The following GLG1 variants were observed in gnomAD, a reference collection of about 807,000 sequenced individuals.
GLG1 encodes the protein golgi glycoprotein 1.
A neutral mutation model predicts 160.5 loss-of-function variants in GLG1; 38 were observed. That is an observed-to-expected ratio of 0.24 (90% CI 0.18 to 0.31). The LOEUF (loss-of-function observed/expected upper bound fraction) is 0.31, where lower values mean the gene tolerates loss of function less well. GLG1 is among the 10% of genes least tolerant of loss of function. The pLI, the probability that GLG1 is intolerant of heterozygous loss-of-function variation, is 1.00. For synonymous variants in GLG1, 644 were observed against 543.4 expected, an observed-to-expected ratio of 1.19 and a Z score of -2.57; for missense variants, 1,373 against 1,505.2, an observed-to-expected ratio of 0.91 and a Z score of 1.45.
chr16:74,479,091 G>A (rs1379194502), intron 11 of GLG1, among the ~76,000 whole-genome samples: 2 of 91,406 alleles, frequency 2.2e-5, no homozygotes, highest in African/African-American at 9.9e-5. Flanking sequence ...CAGGCATGAC[G>A]GCAGGCACCC....
At chr16:74,455,550 A>G (rs966815033) in intron 25 of GLG1, among the ~76,000 whole-genome samples, 3 of 152,226 alleles carry the variant, frequency 2.0e-5, no homozygotes, top group Non-Finnish European at 4.4e-5. Flanking sequence ...AGTGTTGACT[A>G]CTGTGACAGA....
At chr16:74,574,794 G>T (rs974229774) in intron 1 of GLG1, among the ~76,000 whole-genome samples, 1 of 137,838 alleles carries the variant, frequency 7.3e-6, no homozygotes, top group Non-Finnish European at 1.5e-5. Context: ...TGAGACACAA[G>T]AATCTCTTGA....
chr16:74,473,953 AT>A (rs942455095), intron 13 of GLG1, among the ~76,000 whole-genome samples: 3 of 150,548 alleles, frequency 2.0e-5, no homozygotes, highest in African/African-American at 7.3e-5. Flanking sequence ...TACTGCTGCT[AT>A]TTTTTTTTTT....
At chr16:74,503,035 C>T (rs926888236) in intron 4 of GLG1, among the ~76,000 whole-genome samples, 2 of 151,618 alleles carry the variant, frequency 1.3e-5, no homozygotes, top group Non-Finnish European at 2.9e-5. Context: ...GGCGAAACCC[C>T]AGCTCTATTA....
At chr16:74,528,186 A>C (rs1356823777) in intron 2 of GLG1, among the ~76,000 whole-genome samples, 2 of 151,990 alleles carry the variant, frequency 1.3e-5, no homozygotes, top group East Asian at 3.9e-4. Flanking sequence ...TTTTTAATAG[A>C]GACAGGATTT....
At chr16:74,562,363 C>A (rs1261796523) in intron 1 of GLG1, among the ~76,000 whole-genome samples, 2 of 152,224 alleles carry the variant, frequency 1.3e-5, no homozygotes, top group Admixed American at 6.5e-5. Context: ...AATAATAGAA[C>A]CTCATGTATC....
intron 15 of GLG1, 117 bp from the exon 16 acceptor site, chr16:74,470,190 G>C (rs924249939): frequency 7.0e-6 from 5 of 714,112 alleles, no homozygotes; most frequent in African/African-American, 7.0e-5. Flanking sequence ...TGCATGGCTT[G>C]ACCCACACGT....
In GLG1 at chr16:74,527,221, T is replaced by C. The variant is rs562325494; in HGVS notation, c.471+4900A>G. Among the ~76,000 whole-genome samples the C allele has an allele frequency of 7.2e-5, 11 of 151,750 alleles. No individual in the cohort carries two copies. The South Asian group carries it at 2.3e-3, about 32-fold the overall frequency. ...CATGTTATAATCTGAAAGTATACTGTTATTGTTTTGGCTTAAGTCAGTTCT... is the reference window on the plus strand; with the variant it reads ...CATGTTATAATCTGAAAGTATACTGCTATTGTTTTGGCTTAAGTCAGTTCT... On this transcript the variant is annotated intron_variant, in intron 2 of 25. Coordinates refer to ENST00000422840, the MANE Select transcript of GLG1 (RefSeq NM_001145667.2).
intron 11 of GLG1, among the ~76,000 whole-genome samples, chr16:74,478,225 A>G (rs981945334): frequency 3.3e-5 from 5 of 152,186 alleles, no homozygotes; most frequent in African/African-American, 1.2e-4. Flanking sequence ...CACCAGGTAG[A>G]AGGTCAGATC....
intron 1 of GLG1, among the ~76,000 whole-genome samples, chr16:74,543,063 G>C (rs1001222227): frequency 3.9e-5 from 6 of 151,906 alleles, no homozygotes; most frequent in African/African-American, 1.5e-4. Context: ...CTGACCCGTG[G>C]TGAGTGCATT....
intron 1 of GLG1, among the ~76,000 whole-genome samples, chr16:74,547,112 T>C (rs569707420): frequency 6.6e-6 from 1 of 152,178 alleles, no homozygotes; most frequent in East Asian, 1.9e-4. Context: ...TTTGGGGCCA[T>C]AACAAATTCC....
chr16:74,468,842 A>G, intron 17 of GLG1, 104 bp downstream of exon 17: 1 of 724,160 alleles, frequency 1.4e-6, no homozygotes, highest in Non-Finnish European at 2.5e-6. Flanking sequence ...AGTCTTAACC[A>G]TCACAGTAGT....
chr16:74,561,441 CACTACTGAATA>C (rs2018511709), intron 1 of GLG1, among the ~76,000 whole-genome samples: 1 of 152,154 alleles, frequency 6.6e-6, no homozygotes, highest in Non-Finnish European at 1.5e-5. Context: ...CCCTAATAAG[CACTACTGAATA>C]CAAGTTTCTG....
intron 1 of GLG1, among the ~76,000 whole-genome samples, chr16:74,542,582 G>A (rs1162738362): frequency 6.7e-6 from 1 of 150,050 alleles, no homozygotes; most frequent in African/African-American, 2.5e-5. Context: ...TGAGGCAGGA[G>A]AATCGCTTGA....
Position 74,452,864 on chromosome 16 carries a change from G to C in GLG1, c.*303C>G, listed in dbSNP as rs577224986. ...CTTTGAGTTGCAGGTCAGGTGAGTTGGTTCTGGAAGTACCGGAAGTTCTGT... is the reference window on the plus strand; with the variant it reads ...CTTTGAGTTGCAGGTCAGGTGAGTTCGTTCTGGAAGTACCGGAAGTTCTGT... On this transcript the variant is annotated 3_prime_UTR_variant, in exon 26 of 26. Coordinates refer to ENST00000422840, the MANE Select transcript of GLG1 (RefSeq NM_001145667.2). The C allele has an allele frequency of 9.2e-7, 1 of 1,088,920 alleles. No homozygotes were observed. Among genetic ancestry groups the C allele is most frequent in the Non-Finnish European group, 1.1e-6 (1 of 897,638 alleles). 67.5% of individuals were successfully genotyped at this position (1,088,920 alleles called of 1,614,324 possible).
chr16:74,543,144 T>C (rs549403777), intron 1 of GLG1, among the ~76,000 whole-genome samples: 33 of 152,206 alleles, frequency 2.2e-4, no homozygotes, highest in Admixed American at 5.9e-4. Context: ...TCTTTCTGTA[T>C]AACCCAGTGC....
intron 2 of GLG1, among the ~76,000 whole-genome samples, chr16:74,519,859 G>T (rs1453474313): frequency 6.6e-6 from 1 of 152,046 alleles, no homozygotes; most frequent in African/African-American, 2.4e-5. Flanking sequence ...AAAAGATGAG[G>T]AATGAATTCT....
chr16:74,593,007 T>C (rs1236036252), intron 1 of GLG1, among the ~76,000 whole-genome samples: 1 of 152,176 alleles, frequency 6.6e-6, no homozygotes, highest in East Asian at 1.9e-4. Context: ...GGATGAGTTC[T>C]GCACATTCCT....
intron 1 of GLG1, among the ~76,000 whole-genome samples, chr16:74,579,821 T>C (rs556839544): frequency 5.3e-5 from 8 of 152,108 alleles, no homozygotes; most frequent in African/African-American, 1.7e-4. Flanking sequence ...TCCCAGCACT[T>C]TGGGAGGCGA....
Sources: gnomAD v4.1 joint callset for allele counts (sites outside exome capture counted in the v4.1 genomes callset) on GRCh38, gnomAD v4.1.1 for gene constraint, MANE v1.5 for transcripts, NCBI Gene and HGNC (gene_info 2026-07-23, HGNC 2026-07-21) for gene names.